RAB2A: variants seen among roughly 807,000 people sequenced by gnomAD.
The protein encoded by RAB2A is RAB2A, member RAS oncogene family.
RAB2A carries 7 observed loss-of-function variants against 32.5 expected under a neutral mutation model. The ratio of observed to expected loss-of-function variants is 0.22; its 90% confidence interval spans 0.12 to 0.40. The LOEUF is 0.40. RAB2A is among the 10% of genes least tolerant of loss of function. The pLI, the probability that RAB2A is intolerant of heterozygous loss-of-function variation, is 1.00. For synonymous variants in RAB2A, 79 were observed against 85.2 expected (o/e 0.93, Z 0.40); for missense variants, 108 against 260.7 (o/e 0.41, Z 4.03).
chr8:60,608,155 A>G (rs917302479), intron 6 of RAB2A, among the ~76,000 whole-genome samples: 2 of 152,188 alleles, frequency 1.3e-5, no homozygotes, highest in Admixed American at 6.5e-5. Context: ...AGTTTATTAT[A>G]AAAAAGTAAT....
intron 5 of RAB2A, chr8:60,591,586 A>G (rs1381189042): frequency 1.6e-5 from 4 of 250,910 alleles, no homozygotes; most frequent in Admixed American, 9.5e-5. Flanking sequence ...GATATAAGGT[A>G]TTAGACTAGA....
At chr8:60,610,653 T>TA (rs1380867104) in intron 6 of RAB2A, among the ~76,000 whole-genome samples, 4 of 152,250 alleles carry the variant, frequency 2.6e-5, no homozygotes, top group Non-Finnish European at 5.9e-5. Context: ...CTTGGCTGAC[T>TA]AGCATCAGCT....
At chr8:60,589,528 T>A (rs925173344) in intron 5 of RAB2A, among the ~76,000 whole-genome samples, 2 of 152,160 alleles carry the variant, frequency 1.3e-5, no homozygotes, top group Admixed American at 6.5e-5. Flanking sequence ...GGCATTTTAT[T>A]AATAAATTGG....
At chr8:60,563,688 A>C (rs1344993629) in intron 2 of RAB2A, among the ~76,000 whole-genome samples, 1 of 152,210 alleles carries the variant, frequency 6.6e-6, no homozygotes, top group Non-Finnish European at 1.5e-5. Flanking sequence ...AGTTTCATGC[A>C]TTTGACTATT....
intron 1 of RAB2A, among the ~76,000 whole-genome samples, chr8:60,517,670 G>A (rs936919143): frequency 7.9e-5 from 12 of 152,198 alleles, no homozygotes; most frequent in Non-Finnish European, 1.3e-4. Flanking sequence ...TGGGGCCCGG[G>A]TCTTGGTTCC....
intron 6 of RAB2A, among the ~76,000 whole-genome samples, chr8:60,600,831 G>T (rs1244527359): frequency 1.8e-4 from 27 of 152,162 alleles, no homozygotes; most frequent in Admixed American, 1.8e-3. Flanking sequence ...GGTTGATCCT[G>T]TATTATCCCA....
intron 7 of RAB2A, among the ~76,000 whole-genome samples, chr8:60,619,957 T>G (rs2150440388): frequency 6.6e-6 from 1 of 152,366 alleles, no homozygotes; most frequent in East Asian, 1.9e-4. Flanking sequence ...CATCAGCTGC[T>G]GTCAATACTG....
At chr8:60,584,375 CT>C in intron 4 of RAB2A, 85 bp downstream of exon 4, 1 of 1,170,316 alleles carries the variant, frequency 8.5e-7, no homozygotes, top group Non-Finnish European at 1.3e-6. Context: ...GAAAGAATAG[CT>C]TAGCCTTTCT....
At chr8:60,522,211 GAGTGGTTACCAGTGTC>G (rs1374730444) in intron 1 of RAB2A, among the ~76,000 whole-genome samples, 5 of 152,224 alleles carry the variant, frequency 3.3e-5, no homozygotes, top group Non-Finnish European at 5.9e-5. Flanking sequence ...CCCAGAGAGG[GAGTGGTTACCAGTGTC>G]ATGTGCAGTA....
intron 1 of RAB2A, among the ~76,000 whole-genome samples, chr8:60,528,029 G>A (rs1807419330): frequency 6.6e-6 from 1 of 152,122 alleles, no homozygotes; most frequent in African/African-American, 2.4e-5. Context: ...CAAAGTTCAT[G>A]CTCTCTTCCC....
chr8:60,522,174 G>T (rs899321876), intron 1 of RAB2A, among the ~76,000 whole-genome samples: 3 of 152,206 alleles, frequency 2.0e-5, no homozygotes, highest in Non-Finnish European at 4.4e-5. Context: ...GCAGTACAGT[G>T]TCATGGAATC....
chr8:60,570,094 T>C (rs986963171), intron 2 of RAB2A: 2 of 453,062 alleles, frequency 4.4e-6, no homozygotes, highest in South Asian at 1.6e-5. Context: ...GCTCAAGATA[T>C]CAATTCCAGA....
At chr8:60,521,311 A>G (rs1271565269) in intron 1 of RAB2A, among the ~76,000 whole-genome samples, 1 of 152,158 alleles carries the variant, frequency 6.6e-6, no homozygotes, top group Non-Finnish European at 1.5e-5. Context: ...AATGTCTGGT[A>G]TGTAGTTGAA....
intron 2 of RAB2A, chr8:60,569,850 T>C (rs1244573619): frequency 2.5e-6 from 1 of 400,774 alleles, no homozygotes; most frequent in Non-Finnish European, 5.0e-6. Context: ...ACGAACATAC[T>C]AAAACCCAAT....
At chr8:60,525,724 C>T (rs946628111) in intron 1 of RAB2A, among the ~76,000 whole-genome samples, 2 of 151,970 alleles carry the variant, frequency 1.3e-5, no homozygotes, top group Non-Finnish European at 2.9e-5. Context: ...TAGCAGCATG[C>T]TGTAGCCAGC....
At chr8:60,530,662 A>T (rs941408338) in intron 1 of RAB2A, among the ~76,000 whole-genome samples, 3 of 152,100 alleles carry the variant, frequency 2.0e-5, no homozygotes, top group Admixed American at 2.0e-4. Context: ...ATTTCAATCT[A>T]GGAGTCTGTA....
At chr8:60,547,049 C>T (rs372989949) in intron 1 of RAB2A, among the ~76,000 whole-genome samples, 4 of 151,070 alleles carry the variant, frequency 2.6e-5, no homozygotes, top group East Asian at 3.9e-4. Context: ...TGCGGCCTTC[C>T]GCAGTGTTTG....
chr8:60,543,624 G>C (rs1380857440), intron 1 of RAB2A, among the ~76,000 whole-genome samples: 1 of 152,138 alleles, frequency 6.6e-6, no homozygotes, highest in African/African-American at 2.4e-5. Flanking sequence ...CTTTTGGGGG[G>C]CCATTATCTA....
intron 3 of RAB2A, among the ~76,000 whole-genome samples, chr8:60,574,073 A>G (rs965751979): frequency 2.0e-5 from 3 of 152,250 alleles, no homozygotes; most frequent in African/African-American, 7.2e-5. Flanking sequence ...TCTTCAATAA[A>G]CATATTTTTC....
Sources: gnomAD v4.1 joint callset for allele counts (sites outside exome capture counted in the v4.1 genomes callset) on GRCh38, gnomAD v4.1.1 for gene constraint, MANE v1.5 for transcripts, NCBI Gene and HGNC (gene_info 2026-07-23, HGNC 2026-07-21) for gene names.